Variants in EIF3H observed in about 807,000 individuals in gnomAD.
EIF3H encodes the protein eukaryotic translation initiation factor 3 subunit H, also known as eIF-3-gamma.
A neutral mutation model predicts 44.2 loss-of-function variants in EIF3H; 26 were observed. That is an observed-to-expected ratio of 0.59 (90% confidence interval 0.43 to 0.82). The LOEUF is 0.82. Ranked by LOEUF, EIF3H falls within the 40% of genes least tolerant of loss-of-function variation. The probability of loss-of-function intolerance (pLI) is 0.00; values close to 1 mark genes in which losing one functional copy is unlikely to be tolerated. For synonymous variants in EIF3H, 166 were observed against 151.9 expected (o/e 1.09, Z -0.68); for missense variants, 359 against 432.8 (o/e 0.83, Z 1.51).
intron 2 of EIF3H, among the ~76,000 whole-genome samples, chr8:116,662,596 A>T (rs1247289799): frequency 6.6e-6 from 1 of 152,176 alleles, no homozygotes; most frequent in Non-Finnish European, 1.5e-5. Context: ...CATTCTTTGA[A>T]TCCCATCTCC....
intron 2 of EIF3H, among the ~76,000 whole-genome samples, chr8:116,715,658 T>G (rs1275491460): frequency 6.6e-6 from 1 of 152,094 alleles, no homozygotes; most frequent in Non-Finnish European, 1.5e-5. Flanking sequence ...GTAAATCAAT[T>G]TAGCCTGCTG....
intron 1 of EIF3H, among the ~76,000 whole-genome samples, chr8:116,742,486 T>A (rs1483984375): frequency 6.6e-6 from 1 of 152,220 alleles, no homozygotes; most frequent in African/African-American, 2.4e-5. Flanking sequence ...ATGTACCTGG[T>A]TGGTAATTTT....
intron 1 of EIF3H, 51 bp from the exon 2 acceptor site, chr8:116,726,223 T>C (rs769945918): frequency 2.0e-6 from 3 of 1,523,694 alleles, no homozygotes; most frequent in Non-Finnish European, 2.6e-6. Context: ...TAGTTTATTA[T>C]TTCCTTTATT....
At chr8:116,701,314 GTGAGTATCCAGTC>G (rs926100185) in intron 2 of EIF3H, among the ~76,000 whole-genome samples, 1 of 152,156 alleles carries the variant, frequency 6.6e-6, no homozygotes, top group Admixed American at 6.5e-5. Flanking sequence ...CCTGAGCTCA[GTGAGTATCCAGTC>G]TAGCAGAAGT....
chr8:116,720,088 AC>A, intron 2 of EIF3H, among the ~76,000 whole-genome samples: 1 of 119,668 alleles, frequency 8.4e-6, no homozygotes, highest in East Asian at 5.6e-4. Flanking sequence ...GACTGAAAAG[AC>A]CTTCAACTGT....
At chr8:116,721,389 G>A (rs1228892321) in intron 2 of EIF3H, among the ~76,000 whole-genome samples, 1 of 152,226 alleles carries the variant, frequency 6.6e-6, no homozygotes, top group Non-Finnish European at 1.5e-5. Context: ...TTTGCTGCAG[G>A]GGCAGGGCCC....
chr8:116,711,321 C>T (rs1162979184), intron 2 of EIF3H, among the ~76,000 whole-genome samples: 2 of 152,154 alleles, frequency 1.3e-5, no homozygotes, highest in African/African-American at 4.8e-5. Context: ...TAGCTCATAC[C>T]CATCAAGGTA....
At chr8:116,723,341 C>G (rs1814783511) in intron 2 of EIF3H, among the ~76,000 whole-genome samples, 2 of 152,058 alleles carry the variant, frequency 1.3e-5, no homozygotes, top group Admixed American at 1.3e-4. Flanking sequence ...CAGAGGTATT[C>G]TAATACTGCC....
At chr8:116,713,482 A>G (rs949004740) in intron 2 of EIF3H, among the ~76,000 whole-genome samples, 1 of 152,186 alleles carries the variant, frequency 6.6e-6, no homozygotes, top group African/African-American at 2.4e-5. Context: ...AACATGAAGT[A>G]AATGCAAAAA....
chr8:116,758,908 C>T (rs138058870), upstream of EIF3H, among the ~76,000 whole-genome samples: 2,368 of 152,278 alleles, frequency 0.016, 53 homozygotes, highest in African/African-American at 0.053. Context: ...TAACTGCCTA[C>T]ATTAGAAAAA....
chr8:116,676,167 C>G (rs1813842893), intron 2 of EIF3H, among the ~76,000 whole-genome samples: 1 of 152,212 alleles, frequency 6.6e-6, no homozygotes, highest in Admixed American at 6.5e-5. Context: ...AGTTGGTTGT[C>G]AACTGCAGCA....
Position 116,752,778 on chromosome 8 carries a change from AGGGAGGGAGGGAG to A in EIF3H, c.132+2875_132+2887del, listed in dbSNP as rs1563663195. ...GAGGGAGGGAGGGAGGGAGGGAGGG[AGGGAGGGAGGGAG>A]GGAGGGAAGGAAGGAAGGAAGGAAG... On this transcript the variant is annotated intron_variant, in intron 1 of 7. Transcript: ENST00000521861. Among the ~76,000 whole-genome samples, 99 of 54,106 alleles carry A rather than the reference AGGGAGGGAGGGAG, an allele frequency of 1.8e-3. 6 individuals carry two copies. Among genetic ancestry groups the A allele is most frequent in the African/African-American group, 4.2e-3 (69 of 16,374 alleles). 35.5% of individuals were successfully genotyped at this position (54,106 alleles called of 152,430 possible).
At chr8:116,653,888 G>T (rs769682802) in intron 5 of EIF3H, among the ~76,000 whole-genome samples, 3 of 152,168 alleles carry the variant, frequency 2.0e-5, no homozygotes, top group Non-Finnish European at 4.4e-5. Flanking sequence ...GCACATCAAA[G>T]AAACTGGTGC....
intron 5 of EIF3H, among the ~76,000 whole-genome samples, chr8:116,654,051 C>T (rs1813447493): frequency 6.6e-6 from 1 of 152,208 alleles, no homozygotes; most frequent in Non-Finnish European, 1.5e-5. Context: ...ATGTACAAAA[C>T]TTATCTTTCT....
upstream of EIF3H, among the ~76,000 whole-genome samples, chr8:116,758,295 A>T (rs562604316): frequency 6.6e-6 from 1 of 152,350 alleles, no homozygotes; most frequent in African/African-American, 2.4e-5. Context: ...TAAAATGATC[A>T]ATCACAAAGA....
At chr8:116,755,196 G>A (rs1815419352) in intron 1 of EIF3H, among the ~76,000 whole-genome samples, 1 of 152,272 alleles carries the variant, frequency 6.6e-6, no homozygotes, top group East Asian at 1.9e-4. Context: ...TACGGTTTCA[G>A]ATAAAGCGCC....
In EIF3H at chr8:116,762,859, G is replaced by A. The variant is rs543590242; in HGVS notation, c.-27+2656C>T. On this transcript the variant is annotated intron_variant, in intron 1 of 9. Coordinates refer to the EIF3H transcript ENST00000276682. ...CTTAGAAGGCTGAGGCAGGAGAATC[G>A]CTTGAACCCAGGAGGTGGAGGCTGC... 2.0e-4 allele frequency among the ~76,000 whole-genome samples: 31 copies of A among 152,288 alleles called. 1 individual carries two copies. Among genetic ancestry groups the A allele is most frequent in the African/African-American group, 4.3e-4 (18 of 41,572 alleles).
upstream of EIF3H, chr8:116,756,112 C>A: frequency 9.2e-7 from 1 of 1,090,608 alleles, no homozygotes; most frequent in South Asian, 1.4e-5. Context: ...TCTGTAGTGT[C>A]TCTTATGTAA....
chr8:116,714,741 C>G (rs1459425348), intron 2 of EIF3H, among the ~76,000 whole-genome samples: 3 of 151,998 alleles, frequency 2.0e-5, no homozygotes, highest in African/African-American at 7.2e-5. Context: ...TTGAAAAAAT[C>G]TGTCAAACAG....
Sources: gnomAD v4.1 joint callset for allele counts (sites outside exome capture counted in the v4.1 genomes callset) on GRCh38, gnomAD v4.1.1 for gene constraint, MANE v1.5 for transcripts, NCBI Gene and HGNC (gene_info 2026-07-23, HGNC 2026-07-21) for gene names.